Variants in CSMD3 observed in about 807,000 individuals in gnomAD.
The protein encoded by CSMD3 is CUB and sushi domain-containing protein 3.
A neutral mutation model predicts 435.2 loss-of-function variants in CSMD3; 177 were observed. The observed-to-expected ratio is 0.41, with a 90% CI of 0.36 to 0.46. CSMD3 has a LOEUF of 0.46. CSMD3 is among the 20% of genes least tolerant of loss of function. CSMD3 has a pLI of 0.34. For missense variants in CSMD3, 4,265 were observed against 4,504.6 expected, an observed-to-expected ratio of 0.95 and a Z score of 1.52; for synonymous variants, 1,656 against 1,520.5, an observed-to-expected ratio of 1.09 and a Z score of -2.07.
intron 5 of CSMD3, among the ~76,000 whole-genome samples, chr8:113,022,248 A>T (rs2086709174): frequency 6.6e-6 from 1 of 151,870 alleles, no homozygotes; most frequent in African/African-American, 2.4e-5. Context: ...CTAAAATATA[A>T]CTTATTGTTA....
intron 10 of CSMD3, among the ~76,000 whole-genome samples, chr8:112,898,136 A>T (rs2082004312): frequency 6.6e-6 from 1 of 151,276 alleles, no homozygotes; most frequent in South Asian, 2.1e-4. Context: ...CCAATGTTAA[A>T]TAGCTTCATA....
intron 66 of CSMD3, among the ~76,000 whole-genome samples, chr8:112,240,241 T>TAA (rs1467409463): frequency 6.6e-6 from 1 of 152,132 alleles, no homozygotes; most frequent in Non-Finnish European, 1.5e-5. Flanking sequence ...CTTTGCGTTT[T>TAA]AAAATTTGTT....
intron 32 of CSMD3, among the ~76,000 whole-genome samples, chr8:112,453,102 A>C (rs993805841): frequency 2.0e-5 from 3 of 152,184 alleles, no homozygotes; most frequent in African/African-American, 7.2e-5. Context: ...AACTTGAACA[A>C]GTAACTTTAT....
chr8:112,476,044 A>AT (rs1228027298), intron 31 of CSMD3, among the ~76,000 whole-genome samples: 1 of 151,888 alleles, frequency 6.6e-6, no homozygotes, highest in East Asian at 1.9e-4. Context: ...TTTTTAATTT[A>AT]TTTTTATTTT....
At chr8:113,094,485 T>G (rs556206279) in intron 5 of CSMD3, among the ~76,000 whole-genome samples, 1 of 152,294 alleles carries the variant, frequency 6.6e-6, no homozygotes, top group African/African-American at 2.4e-5. Flanking sequence ...CAATGTCTGG[T>G]AGGTGATCAC....
intron 18 of CSMD3, among the ~76,000 whole-genome samples, chr8:112,651,449 A>G (rs1341584666): frequency 6.6e-6 from 1 of 152,156 alleles, no homozygotes; most frequent in Admixed American, 6.5e-5. Context: ...AAACTAAAAT[A>G]CAATAGAGAC....
chr8:112,877,348 C>T (rs199549950), intron 10 of CSMD3, among the ~76,000 whole-genome samples: 6 of 151,922 alleles, frequency 3.9e-5, no homozygotes, highest in Admixed American at 2.6e-4. Context: ...TCACTGCAAC[C>T]TCTGCCACTC....
intron 7 of CSMD3, among the ~76,000 whole-genome samples, chr8:112,966,505 G>C (rs1308242030): frequency 7.8e-5 from 10 of 128,712 alleles, no homozygotes; most frequent in Admixed American, 7.7e-4. Flanking sequence ...TTTTTTTACT[G>C]TTTTACCTCC....
intron 27 of CSMD3, among the ~76,000 whole-genome samples, chr8:112,544,368 A>G (rs1826961738): frequency 6.6e-6 from 1 of 152,114 alleles, no homozygotes; most frequent in South Asian, 2.1e-4. Flanking sequence ...GCTTCAAATA[A>G]CCATTCAATC....
At chr8:112,231,454 A>G (rs943760694) in intron 69 of CSMD3, 91 bp downstream of exon 69, 1 of 827,906 alleles carries the variant, frequency 1.2e-6, no homozygotes, top group South Asian at 1.3e-5. Context: ...ATAATGCAGT[A>G]AGTGTACCTA....
chr8:112,399,770 C>A (rs1022402071), intron 35 of CSMD3, among the ~76,000 whole-genome samples: 1 of 152,186 alleles, frequency 6.6e-6, no homozygotes, highest in Non-Finnish European at 1.5e-5. Context: ...CAAGAATATT[C>A]TTTCCTCTAT....
chr8:112,625,754 G>A (rs1834428366), intron 22 of CSMD3, among the ~76,000 whole-genome samples: 1 of 152,050 alleles, frequency 6.6e-6, no homozygotes, highest in African/African-American at 2.4e-5. Context: ...GTAGTTTGGG[G>A]GAGGTAAATA....
At position 113,125,465 on chromosome 8, in the gene CSMD3, C is replaced by T. The variant is rs545504753; in HGVS notation, c.710-26502G>A. ...AATTTAAAGTTATGAAGCTTTGTTA[C>T]AGTACATGGGAAATGAGTGTTGATA... On this transcript the variant is annotated intron_variant, in intron 4 of 70. Coordinates refer to ENST00000297405, the MANE Select transcript of CSMD3 (RefSeq NM_198123.2). Among the ~76,000 whole-genome samples, 20 of 151,890 alleles carry T rather than the reference C, an allele frequency of 1.3e-4. 1 individual carries two copies. The highest frequency in any genetic ancestry group is 4.2e-4 in the South Asian group (2 of 4,810).
At chr8:113,061,477 G>A (rs145470798) in intron 5 of CSMD3, among the ~76,000 whole-genome samples, 377 of 152,182 alleles carry the variant, frequency 2.5e-3, no homozygotes, top group African/African-American at 8.7e-3. Flanking sequence ...AAGGCATTAT[G>A]AGGCTGAGAG....
chr8:113,063,613 G>A (rs1197830928), intron 5 of CSMD3, among the ~76,000 whole-genome samples: 2 of 151,858 alleles, frequency 1.3e-5, no homozygotes, highest in African/African-American at 2.4e-5. Flanking sequence ...TTAGTTGTTA[G>A]TTACCCGCTG....
intron 16 of CSMD3, among the ~76,000 whole-genome samples, chr8:112,668,546 A>C (rs931552627): frequency 2.0e-5 from 3 of 152,126 alleles, no homozygotes; most frequent in Non-Finnish European, 2.9e-5. Context: ...TGAGGGAGGC[A>C]GAGTTAGAAG....
intron 32 of CSMD3, among the ~76,000 whole-genome samples, chr8:112,411,175 A>C (rs1285709534): frequency 2.0e-5 from 3 of 148,352 alleles, no homozygotes; most frequent in Non-Finnish European, 4.5e-5. Flanking sequence ...GTTTGTATGC[A>C]GATAAAACAG....
intron 6 of CSMD3, among the ~76,000 whole-genome samples, chr8:112,991,987 T>TGAG (rs2085473813): frequency 6.6e-6 from 1 of 151,828 alleles, no homozygotes; most frequent in South Asian, 2.1e-4. Flanking sequence ...AGTGAGCAGG[T>TGAG]GAGGTCCTGT....
Position 113,075,465 on chromosome 8 carries a change from A to G in CSMD3, c.917+23291T>C, listed in dbSNP as rs138848769. Among the ~76,000 whole-genome samples the G allele has an allele frequency of 5.9e-3, 900 of 151,958 alleles. 4 individuals carry two copies. The highest frequency in any genetic ancestry group is 0.019 in the African/African-American group (801 of 41,544). Reference sequence around the variant, plus strand: ...AAGTATGATCCTTCTTACATTACCTATACTTTCAACATCTGAAAAGATCTC... The same window carrying G: ...AAGTATGATCCTTCTTACATTACCTGTACTTTCAACATCTGAAAAGATCTC... On this transcript the variant is annotated intron_variant, in intron 5 of 70. Coordinates refer to ENST00000297405, the MANE Select transcript of CSMD3 (RefSeq NM_198123.2).
Sources: allele counts gnomAD v4.1 joint callset (sites outside exome capture counted in the v4.1 genomes callset), GRCh38; gene constraint gnomAD v4.1.1; transcripts MANE v1.5; gene names NCBI Gene and HGNC (gene_info 2026-07-23, HGNC 2026-07-21).